The following SLCO3A1 variants were observed in gnomAD, a reference collection of about 807,000 sequenced individuals.
SLCO3A1 encodes the protein PGE1 transporter.
SLCO3A1 carries 27 observed loss-of-function variants against 63.1 expected under a neutral mutation model. The observed-to-expected ratio is 0.43, with a 90% confidence interval of 0.32 to 0.59. SLCO3A1 has a LOEUF of 0.59. SLCO3A1 is among the 20% of genes least tolerant of loss of function. SLCO3A1 has a pLI of 0.09. For synonymous variants in SLCO3A1, 473 were observed against 409.9 expected, an observed-to-expected ratio of 1.15 and a Z score of -1.86; for missense variants, 773 against 945.8, an observed-to-expected ratio of 0.82 and a Z score of 2.40.
chr15:92,018,488 G>A (rs76673719), intron 2 of SLCO3A1, among the ~76,000 whole-genome samples: 4,368 of 152,278 alleles, frequency 0.029, 214 homozygotes, highest in African/African-American at 0.1. Context: ...AGTGGCAGCA[G>A]GCAGCCATCA....
downstream of SLCO3A1, among the ~76,000 whole-genome samples, chr15:92,167,444 A>G (rs568235334): frequency 6.6e-6 from 1 of 152,370 alleles, no homozygotes; most frequent in African/African-American, 2.4e-5. Context: ...AATTAGTTCA[A>G]GACCCAAATA....
intron 2 of SLCO3A1, among the ~76,000 whole-genome samples, chr15:91,958,892 C>T (rs1900334075): frequency 6.6e-6 from 1 of 152,128 alleles, no homozygotes; most frequent in Non-Finnish European, 1.5e-5. Context: ...GGAGAACTAC[C>T]ATTCCATCCA....
At chr15:92,170,444 C>T (rs562972084), downstream of SLCO3A1, among the ~76,000 whole-genome samples, 88 of 152,312 alleles carry the variant, frequency 5.8e-4, no homozygotes, top group Middle Eastern at 6.8e-3. Flanking sequence ...TTTTCCACTT[C>T]ACAGGTCTGA....
At chr15:92,117,701 C>T (rs1037163039) in intron 4 of SLCO3A1, among the ~76,000 whole-genome samples, 3 of 152,314 alleles carry the variant, frequency 2.0e-5, no homozygotes, top group South Asian at 2.1e-4. Flanking sequence ...CACAGGTACA[C>T]TACACCATCA....
rs891886872 is a variant in SLCO3A1 at position 91,948,295 on chromosome 15, C to CG, written c.646+31838dup. Among the ~76,000 whole-genome samples the CG allele has an allele frequency of 6.6e-6, 1 of 152,182 alleles. No individual in the cohort carries two copies. The highest frequency in any genetic ancestry group is 1.5e-5 in the Non-Finnish European group (1 of 68,038). The stretch of plus-strand genomic sequence containing the variant: ...CACAGTGGGCTCAAATGTGACCCTG[C>CG]GTAGTGCTCCTGGGAGGTGCATTTG... On this transcript the variant is annotated intron_variant, in intron 2 of 9. Coordinates refer to ENST00000318445, the MANE Select transcript of SLCO3A1 (RefSeq NM_013272.4). The surrounding 1 kb of genome is among the most constrained non-coding windows in gnomAD (Gnocchi z 4.8).
chr15:92,153,022 A>C (rs1163741642), intron 9 of SLCO3A1, among the ~76,000 whole-genome samples: 1 of 152,246 alleles, frequency 6.6e-6, no homozygotes, highest in Non-Finnish European at 1.5e-5. Flanking sequence ...AGGATAGTTG[A>C]AAGCAAAAGT....
chr15:92,160,364 C>A (rs1186350046), intron 9 of SLCO3A1, among the ~76,000 whole-genome samples: 1 of 152,062 alleles, frequency 6.6e-6, no homozygotes, highest in African/African-American at 2.4e-5. Flanking sequence ...GCAGTTCCTC[C>A]AGTTGGCTCT....
rs1340714014 is a variant in SLCO3A1 at position 91,967,914 on chromosome 15, G to A, written c.646+51456G>A. 6.6e-6 allele frequency among the ~76,000 whole-genome samples: 1 copy of A among 152,148 alleles called. No homozygotes were observed. The highest frequency in any genetic ancestry group is 2.4e-5 in the African/African-American group (1 of 41,442). On this transcript the variant is annotated intron_variant, in intron 2 of 9. Coordinates refer to ENST00000318445, the MANE Select transcript of SLCO3A1 (RefSeq NM_013272.4). This position sits in a 1 kb window ranked among gnomAD's most constrained non-coding sequence, Gnocchi z 4.4. ...AGAGCTCTCAAGAGCAAATCCACAGGCAGCTAAATCAAGAAGGTGGCTCTC... is the reference window on the plus strand; with the variant it reads ...AGAGCTCTCAAGAGCAAATCCACAGACAGCTAAATCAAGAAGGTGGCTCTC...
chr15:91,963,414 G>GC (rs1900532918), intron 2 of SLCO3A1, among the ~76,000 whole-genome samples: 1 of 132,490 alleles, frequency 7.5e-6, no homozygotes, highest in Non-Finnish European at 1.6e-5. Flanking sequence ...AGGGTGGGGG[G>GC]GGGGGGCGGC....
chr15:92,098,053 G>A (rs559512517), intron 3 of SLCO3A1: 2 of 152,496 alleles, frequency 1.3e-5, no homozygotes, highest in African/African-American at 4.8e-5. Flanking sequence ...AGTCCCCACT[G>A]AGATTGGGGT....
At position 92,147,177 on chromosome 15, in the gene SLCO3A1, C is replaced by G. The variant is rs1232449782; in HGVS notation, c.1688+18C>G. On this transcript the variant is annotated intron_variant, in intron 8 of 9. Coordinates refer to ENST00000318445, the MANE Select transcript of SLCO3A1 (RefSeq NM_013272.4). ...CTCATCAGGTAAGCCCTCGGCACAG[C>G]CCCGCCTCTCCTCCTTTCCACCTGG... 6.3e-7 allele frequency: 1 copy of G among 1,597,648 alleles called. No individual in the cohort carries two copies. The highest frequency in any genetic ancestry group is 8.5e-7 in the Non-Finnish European group (1 of 1,171,202).
chr15:91,864,673 A>G (rs1158748498), intron 1 of SLCO3A1, among the ~76,000 whole-genome samples: 1 of 152,190 alleles, frequency 6.6e-6, no homozygotes, highest in Non-Finnish European at 1.5e-5. Context: ...GATTAAAAAT[A>G]GCTCAAGGGC....
chr15:92,021,241 A>G (rs2046505815), intron 2 of SLCO3A1, among the ~76,000 whole-genome samples: 1 of 152,202 alleles, frequency 6.6e-6, no homozygotes, highest in African/African-American at 2.4e-5. Flanking sequence ...TGCAGATGTC[A>G]CTTACTCTTT....
rs181932627 is a variant in SLCO3A1, at chr15:92,133,037, C to T, written c.1512+4548C>T. Among the ~76,000 whole-genome samples the T allele has an allele frequency of 2.4e-3, 353 of 146,212 alleles. 30 individuals carry two copies. The highest frequency in any genetic ancestry group is 8.4e-3 in the African/African-American group (339 of 40,414). On this transcript the variant is annotated intron_variant, in intron 7 of 9. Coordinates refer to ENST00000318445, the MANE Select transcript of SLCO3A1 (RefSeq NM_013272.4). ...GTTCTAATACAGGGCTTCTCAGTCA[C>T]GGCACTGTTGACATTTTGGGCCAGA...
At chr15:91,962,479 C>CAAAAAAA (rs35274991) in intron 2 of SLCO3A1, among the ~76,000 whole-genome samples, 5 of 81,734 alleles carry the variant, frequency 6.1e-5, no homozygotes, top group Non-Finnish European at 9.2e-5. Flanking sequence ...AACTCCGTCT[C>CAAAAAAA]AAAAAAAAAA....
chr15:92,040,087 A>C (rs1293691276), intron 2 of SLCO3A1, among the ~76,000 whole-genome samples: 1 of 152,188 alleles, frequency 6.6e-6, no homozygotes, highest in African/African-American at 2.4e-5. Flanking sequence ...TAGGACAAAT[A>C]GTTAATGCAT....
chr15:91,961,373 A>C (rs2151421372), intron 2 of SLCO3A1, among the ~76,000 whole-genome samples: 1 of 152,348 alleles, frequency 6.6e-6, no homozygotes, highest in South Asian at 2.1e-4. Context: ...TTTTGCCTGA[A>C]GGGCATAGGC....
chr15:92,028,129 CAG>C (rs1011568690), intron 2 of SLCO3A1, among the ~76,000 whole-genome samples: 1 of 152,148 alleles, frequency 6.6e-6, no homozygotes, highest in Non-Finnish European at 1.5e-5. Flanking sequence ...AAACAAAGAC[CAG>C]AGTCTCTTGT....
chr15:91,933,626 TA>T (rs2151392059), intron 2 of SLCO3A1, among the ~76,000 whole-genome samples: 1 of 152,144 alleles, frequency 6.6e-6, no homozygotes, highest in South Asian at 2.1e-4. Context: ...ATGTTAATAA[TA>T]GCAAACATGT....
Sources: gnomAD v4.1 joint callset for allele counts (sites outside exome capture counted in the v4.1 genomes callset) on GRCh38, gnomAD v4.1.1 for gene constraint, Gnocchi (gnomAD v3.1) non-coding constraint, MANE v1.5 for transcripts, NCBI Gene and HGNC (gene_info 2026-07-23, HGNC 2026-07-21) for gene names.